TDRP: variants seen among roughly 807,000 people sequenced by gnomAD.
The protein encoded by TDRP is testis development-related protein.
A neutral mutation model predicts 10.5 loss-of-function variants in TDRP; 12 were observed. That is an observed-to-expected ratio of 1.15 (90% CI 0.73 to 1.86). TDRP has a LOEUF of 1.86. TDRP is among the 40% of genes most tolerant of loss of function. The pLI is 0.00. For synonymous variants in TDRP, 139 were observed against 95.4 expected, an observed-to-expected ratio of 1.46 and a Z score of -2.67; for missense variants, 353 against 229.2, an observed-to-expected ratio of 1.54 and a Z score of -3.49.
At chr8:538,100 G>A (rs533548576) in intron 1 of TDRP, among the ~76,000 whole-genome samples, 9 of 152,324 alleles carry the variant, frequency 5.9e-5, no homozygotes, top group East Asian at 1.9e-4. Context: ...CTCCAATCAA[G>A]GCTATCTCAA....
intron 1 of TDRP, among the ~76,000 whole-genome samples, chr8:532,074 T>G (rs887060668): frequency 2.0e-5 from 3 of 152,222 alleles, no homozygotes; most frequent in African/African-American, 7.2e-5. Context: ...TGTTCAACAG[T>G]GTCAGAAATC....
chr8:515,673 T>C (rs1043172948), intron 1 of TDRP, among the ~76,000 whole-genome samples: 2 of 152,184 alleles, frequency 1.3e-5, no homozygotes, highest in Non-Finnish European at 2.9e-5. Flanking sequence ...GCCTCTAACA[T>C]TACTACTTAC....
intron 1 of TDRP, among the ~76,000 whole-genome samples, chr8:529,825 G>C (rs977455197): frequency 2.1e-4 from 32 of 152,098 alleles, no homozygotes; most frequent in African/African-American, 7.5e-4. Flanking sequence ...TTGGCAATTT[G>C]ATTAAAATCT....
intron 1 of TDRP, among the ~76,000 whole-genome samples, chr8:511,352 A>G (rs1801611425): frequency 6.6e-6 from 1 of 152,234 alleles, no homozygotes; most frequent in Admixed American, 6.5e-5. Flanking sequence ...GAGAGTTTAA[A>G]AAATTTTTTT....
chr8:521,454 T>G (rs1049647375), intron 1 of TDRP, among the ~76,000 whole-genome samples: 12 of 152,114 alleles, frequency 7.9e-5, no homozygotes, highest in African/African-American at 2.9e-4. Flanking sequence ...TTTTTGCATG[T>G]GAATATCCAG....
At chr8:508,770 CAA>C (rs1418807720) in intron 1 of TDRP, among the ~76,000 whole-genome samples, 1 of 152,146 alleles carries the variant, frequency 6.6e-6, no homozygotes, top group African/African-American at 2.4e-5. Flanking sequence ...AACAGTTCCC[CAA>C]AGTCTTAATT....
chr8:526,034 T>G (rs1802026269), intron 1 of TDRP, among the ~76,000 whole-genome samples: 1 of 152,220 alleles, frequency 6.6e-6, no homozygotes, highest in Non-Finnish European at 1.5e-5. Context: ...TCACAGGTTG[T>G]ATGTATTTCT....
Position 544,810 on chromosome 8 carries a change from G to C in TDRP, c.-53C>G. On this transcript the variant is annotated 5_prime_UTR_variant, in exon 1 of 3. Coordinates refer to ENST00000324079, the MANE Select transcript of TDRP (RefSeq NM_001384899.1). ...TCCGTGCGTCGGGCTGTGGCTCCGC[G>C]TCCCTCCCGGCCGCCGGACGCTCTG... 3 of 1,177,498 alleles carry C rather than the reference G, an allele frequency of 2.5e-6. No individual in the cohort carries two copies. Among genetic ancestry groups the C allele is most frequent in the Non-Finnish European group, 3.2e-6 (3 of 939,858 alleles). The allele number at this position is 1,177,498 out of a possible 1,614,324, so 72.9% of individuals were successfully genotyped here.
chr8:541,120 T>C (rs1802485124), intron 1 of TDRP, among the ~76,000 whole-genome samples: 1 of 152,242 alleles, frequency 6.6e-6, no homozygotes, highest in Non-Finnish European at 1.5e-5. Context: ...CAAAATTTAA[T>C]TCTAATTTAA....
chr8:506,162 T>C lies in TDRP; in HGVS notation c.109-11565A>G, dbSNP rs140991386. ...TTTCCCTGTTTTTGCTGTAAGAAAATTGAAATTATTTAAACAACAAAAAAC... is the reference window on the plus strand; with the variant it reads ...TTTCCCTGTTTTTGCTGTAAGAAAACTGAAATTATTTAAACAACAAAAAAC... On this transcript the variant is annotated intron_variant, in intron 1 of 2. Coordinates refer to ENST00000324079, the MANE Select transcript of TDRP (RefSeq NM_001384899.1). Among the ~76,000 whole-genome samples the C allele has an allele frequency of 2.6e-3, 403 of 152,194 alleles. 4 individuals carry two copies. The highest frequency in any genetic ancestry group is 8.3e-3 in the African/African-American group (346 of 41,520).
intron 1 of TDRP, among the ~76,000 whole-genome samples, chr8:534,236 A>G (rs565367736): frequency 3.2e-4 from 48 of 152,354 alleles, no homozygotes; most frequent in Non-Finnish European, 1.0e-4. Flanking sequence ...CATCGAATAT[A>G]AAATACAGTT....
At chr8:540,399 T>C (rs183976618) in intron 1 of TDRP, among the ~76,000 whole-genome samples, 4 of 152,316 alleles carry the variant, frequency 2.6e-5, no homozygotes, top group African/African-American at 7.2e-5. Flanking sequence ...CACACACCTA[T>C]GTATCTGCAT....
At chr8:501,589 C>T (rs1159472769) in intron 1 of TDRP, among the ~76,000 whole-genome samples, 6 of 152,174 alleles carry the variant, frequency 3.9e-5, no homozygotes, top group Non-Finnish European at 8.8e-5. Flanking sequence ...TCAAGCGATC[C>T]AACCGCCTCA....
intron 1 of TDRP, among the ~76,000 whole-genome samples, chr8:505,023 T>C (rs77140504): frequency 0.017 from 2,586 of 152,362 alleles, 67 homozygotes; most frequent in African/African-American, 0.059. Flanking sequence ...AAATATTTCA[T>C]ACATGATGAC....
At chr8:494,629 G>T in intron 1 of TDRP, 32 bp from the exon 2 acceptor site, 1 of 1,586,264 alleles carries the variant, frequency 6.3e-7, no homozygotes. Context: ...TGTCAAATCT[G>T]ATGTCATGAA....
chr8:529,803 T>C (rs1198583102), intron 1 of TDRP, among the ~76,000 whole-genome samples: 4 of 152,328 alleles, frequency 2.6e-5, no homozygotes, highest in Non-Finnish European at 4.4e-5. Flanking sequence ...CAAAATTCTC[T>C]ACCACTGACT....
intron 1 of TDRP, among the ~76,000 whole-genome samples, chr8:503,263 C>CAGCACACTGGAACCAATGCCCACT (rs1294327493): frequency 6.7e-6 from 1 of 150,014 alleles, no homozygotes; most frequent in Non-Finnish European, 1.5e-5. Context: ...GAATCCAGAG[C>CAGCACACTGGAACCAATGCCCACT]CACACTAGGG....
intron 1 of TDRP, among the ~76,000 whole-genome samples, chr8:517,561 T>A (rs1801791901): frequency 6.6e-6 from 1 of 152,180 alleles, no homozygotes; most frequent in African/African-American, 2.4e-5. Context: ...CAGCTGCCAA[T>A]CAGGAAATCT....
At chr8:538,281 C>T (rs1802397148) in intron 1 of TDRP, among the ~76,000 whole-genome samples, 1 of 152,202 alleles carries the variant, frequency 6.6e-6, no homozygotes, top group Non-Finnish European at 1.5e-5. Context: ...GGATGAGGAA[C>T]TCAATCAGAC....
Sources: allele counts gnomAD v4.1 joint callset (sites outside exome capture counted in the v4.1 genomes callset), GRCh38; gene constraint gnomAD v4.1.1; transcripts MANE v1.5; gene names NCBI Gene and HGNC (gene_info 2026-07-23, HGNC 2026-07-21).